Variants in ARHGEF9 observed in about 807,000 individuals in gnomAD.
The protein encoded by ARHGEF9 is rho guanine nucleotide exchange factor 9.
In ARHGEF9, 2 loss-of-function variants were observed where a neutral mutation model predicts 41.3. That is an observed-to-expected ratio of 0.05 (90% confidence interval 0.02 to 0.15). The LOEUF (loss-of-function observed/expected upper bound fraction) is 0.15, where lower values mean the gene tolerates loss of function less well. Among genes scored for constraint, ARHGEF9 ranks in the 10% least tolerant of loss-of-function variants. ARHGEF9 has a pLI of 1.00. For synonymous variants in ARHGEF9, 160 were observed against 154.4 expected (o/e 1.04, Z -0.27); for missense variants, 225 against 424.7 (o/e 0.53, Z 4.13).
chrX:63,755,074 C>T (rs2055879325), intron 1 of ARHGEF9: 1 of 937,612 alleles, frequency 1.1e-6, no homozygotes, highest in African/African-American at 2.0e-5. Flanking sequence ...GGCTGCCAGA[C>T]ACTCGTTCGA....
In ARHGEF9 at chrX:63,724,615, T is replaced by G. The variant is rs1556415814; in HGVS notation, c.127A>C (p.Lys43Gln). ...ELAFKAGDVI[K>Q]VLDASNKDWW... ...TCCTTGTTGGAAGCATCCAAGACTT[T>G]GATGACGTCGCCAGCTTTAAATGCC... is the stretch of plus-strand genomic sequence containing the variant. Residue 43 changes from lysine (K) to glutamine (Q), a missense_variant, in exon 2 of 10, where the codon AAA (lysine) becomes CAA (glutamine). Transcript: ENST00000671741. The G allele has an allele frequency of 8.3e-7, 1 of 1,211,330 alleles. No individual in the cohort carries two copies. Among genetic ancestry groups the G allele is most frequent in the African/African-American group, 1.7e-5 (1 of 57,629 alleles).
At chrX:63,769,685 C>T (rs2056172287) in intron 1 of ARHGEF9, among the ~76,000 whole-genome samples, 1 of 111,577 alleles carries the variant, frequency 9.0e-6, no homozygotes, top group African/African-American at 3.3e-5. Context: ...GTGTCCCAGC[C>T]ACTCCAGCCA....
intron 6 of ARHGEF9, among the ~76,000 whole-genome samples, chrX:63,672,175 T>C (rs1159693702): frequency 9.0e-6 from 1 of 110,747 alleles, no homozygotes; most frequent in Admixed American, 9.7e-5. Flanking sequence ...GAGGTTACAA[T>C]GAGAAGACAA....
intron 3 of ARHGEF9, among the ~76,000 whole-genome samples, chrX:63,704,440 C>T (rs2052396532): frequency 9.0e-6 from 1 of 111,382 alleles, no homozygotes. Context: ...TGGCACAGAA[C>T]AGAATTCCAC....
chrX:63,674,591 T>G (rs2050145963), intron 5 of ARHGEF9, among the ~76,000 whole-genome samples: 1 of 112,041 alleles, frequency 8.9e-6, no homozygotes, highest in African/African-American at 3.2e-5. Flanking sequence ...CGCCTCTTTG[T>G]TGTGCTTATC....
intron 1 of ARHGEF9, among the ~76,000 whole-genome samples, chrX:63,742,514 A>G (rs1556427791): frequency 9.0e-6 from 1 of 111,259 alleles, no homozygotes. Flanking sequence ...GTCATTCCAC[A>G]CTCATTTTCC....
intron 1 of ARHGEF9, among the ~76,000 whole-genome samples, chrX:63,762,081 C>A (rs1300836466): frequency 9.0e-6 from 1 of 111,704 alleles, no homozygotes; most frequent in Non-Finnish European, 1.9e-5. Flanking sequence ...AGTATCAGAA[C>A]CCAGTGTTTA....
chrX:63,697,028 A>T (rs1556388790), intron 4 of ARHGEF9, 97 bp downstream of exon 4: 3 of 944,211 alleles, frequency 3.2e-6, no homozygotes. Context: ...TCCCCACTGC[A>T]GGAAAAAGGA....
intron 5 of ARHGEF9, among the ~76,000 whole-genome samples, chrX:63,674,373 T>C (rs1397320479): frequency 8.9e-6 from 1 of 112,115 alleles, no homozygotes; most frequent in Non-Finnish European, 1.9e-5. Context: ...TACACTGATA[T>C]GTAAATAGAA....
At chrX:63,674,252 C>T (rs2050124832) in intron 5 of ARHGEF9, 85 bp from the exon 6 acceptor site, 3 of 1,011,300 alleles carry the variant, frequency 3.0e-6, no homozygotes, top group Non-Finnish European at 4.1e-6. Context: ...ATCCACTCTC[C>T]TCTACCTCCT....
At chrX:63,642,540 GAAGT>G (rs1439435780) in intron 9 of ARHGEF9, 1 of 112,064 alleles carries the variant, frequency 8.9e-6, no homozygotes, top group African/African-American at 3.2e-5. Flanking sequence ...CCAAGAGCAA[GAAGT>G]AATAAGCAGT....
intron 1 of ARHGEF9, among the ~76,000 whole-genome samples, chrX:63,753,996 C>T (rs2055818744): frequency 8.9e-6 from 1 of 111,843 alleles, no homozygotes; most frequent in African/African-American, 3.3e-5. Context: ...TCCACAAACC[C>T]TTTTCCCCTC....
At chrX:63,734,937 A>G (rs1556421919) in intron 1 of ARHGEF9, among the ~76,000 whole-genome samples, 3 of 111,404 alleles carry the variant, frequency 2.7e-5, no homozygotes, top group Non-Finnish European at 5.6e-5. Flanking sequence ...TGCCCTCTCC[A>G]TGAGTTCCTG....
intron 1 of ARHGEF9, chrX:63,766,792 C>T (rs2056120348): frequency 1.7e-5 from 4 of 238,982 alleles, no homozygotes; most frequent in East Asian, 1.9e-4. Flanking sequence ...TCTGCATGTG[C>T]GTGCCTAACC....
chrX:63,642,038 T>C (rs1370102422), intron 9 of ARHGEF9: 4 of 112,470 alleles, frequency 3.6e-5, no homozygotes, highest in Non-Finnish European at 7.4e-5. Flanking sequence ...AGATGGCCTA[T>C]TGTGGGACCT....
At chrX:63,703,211 T>C (rs2052303989) in intron 3 of ARHGEF9, 1 of 112,019 alleles carries the variant, frequency 8.9e-6, no homozygotes, top group Non-Finnish European at 1.9e-5. Context: ...AACCAGCAAA[T>C]TGTCAACAAA....
intron 1 of ARHGEF9, among the ~76,000 whole-genome samples, chrX:63,783,535 C>G (rs193025761): frequency 1.5e-3 from 167 of 111,879 alleles, no homozygotes; most frequent in African/African-American, 5.3e-3. Flanking sequence ...GGATTACAGG[C>G]GTGGGCGGCC....
At chrX:63,695,883 G>A (rs1472296175) in intron 4 of ARHGEF9, among the ~76,000 whole-genome samples, 13 of 111,637 alleles carry the variant, frequency 1.2e-4, no homozygotes, top group Admixed American at 2.9e-4. Context: ...TCTCTAATGA[G>A]TTTTCTTGGC....
At chrX:63,733,026 A>C (rs1391263440) in intron 1 of ARHGEF9, among the ~76,000 whole-genome samples, 5 of 111,906 alleles carry the variant, frequency 4.5e-5, no homozygotes, top group African/African-American at 1.6e-4. Context: ...GCAGAAAACA[A>C]AAATTTGGAA....
Sources: allele counts gnomAD v4.1 joint callset (sites outside exome capture counted in the v4.1 genomes callset), GRCh38; gene constraint gnomAD v4.1.1; transcripts MANE v1.5; gene names NCBI Gene and HGNC (gene_info 2026-07-23, HGNC 2026-07-21).